CDRT4: variants seen among roughly 807,000 people sequenced by gnomAD.
CDRT4 encodes the protein CMT1A duplicated region transcript 4, also known as CMT1A duplicated region transcript 4 protein.
For synonymous variants in CDRT4, 64 were observed against 69.6 expected, an observed-to-expected ratio of 0.92 and a Z score of 0.40; for missense variants, 167 against 193.1, an observed-to-expected ratio of 0.87 and a Z score of 0.80.
At chr17:15,449,580 T>A (rs1979174867) in intron 2 of CDRT4, among the ~76,000 whole-genome samples, 1 of 152,190 alleles carries the variant, frequency 6.6e-6, no homozygotes, top group Non-Finnish European at 1.5e-5. Flanking sequence ...TATTTTAGAT[T>A]CAAGGGTCCG....
intron 1 of CDRT4, among the ~76,000 whole-genome samples, chr17:15,455,065 A>C (rs1477546185): frequency 6.6e-6 from 1 of 152,196 alleles, no homozygotes; most frequent in African/African-American, 2.4e-5. Context: ...CGTGAGGACT[A>C]GATGAACTCT....
chr17:15,466,654 C>T (rs1980056213), intron 1 of CDRT4, among the ~76,000 whole-genome samples: 1 of 152,286 alleles, frequency 6.6e-6, no homozygotes, highest in Admixed American at 6.5e-5. Flanking sequence ...CAGACACACA[C>T]CTGGACTCAA....
intron 2 of CDRT4, among the ~76,000 whole-genome samples, chr17:15,443,236 A>G (rs1286976128): frequency 1.3e-5 from 2 of 151,954 alleles, no homozygotes; most frequent in Non-Finnish European, 2.9e-5. Flanking sequence ...GAAGAGGATG[A>G]ACTCCTGTCC....
rs891889083 is a variant in CDRT4, at chr17:15,448,302, C to T, written c.-48+4702G>A. ...ATCCTCCAAATATCCCAGCCCATAG[C>T]ATGACCATGCAGAAAACACTTTCCT... is the stretch of plus-strand genomic sequence containing the variant. On this transcript the variant is annotated intron_variant, in intron 2 of 3. Transcript: ENST00000619038. 9.8e-5 allele frequency among the ~76,000 whole-genome samples: 15 copies of T among 152,328 alleles called. No homozygotes were observed. In the South Asian group the frequency reaches 1.0e-3, roughly 11 times the overall value.
intron 2 of CDRT4, among the ~76,000 whole-genome samples, chr17:15,442,522 G>A (rs989891749): frequency 6.6e-6 from 1 of 152,204 alleles, no homozygotes; most frequent in Non-Finnish European, 1.5e-5. Flanking sequence ...GGGATTGGGA[G>A]TCATTCCTTT....
In CDRT4 at chr17:15,436,948, T is replaced by G. The variant is rs1011984937; in HGVS notation, c.*825A>C. On this transcript the variant is annotated 3_prime_UTR_variant, in exon 4 of 4. Coordinates refer to ENST00000619038, the MANE Select transcript of CDRT4 (RefSeq NM_001204477.2). ...GAATCTGCTAGGCTAAAGGAGGAAG[T>G]AGGAAGTGGCCCCTTGCTCACTTCC... is the stretch of plus-strand genomic sequence containing the variant. 2.6e-5 allele frequency: 4 copies of G among 152,338 alleles called. No homozygotes were observed. The highest frequency in any genetic ancestry group is 2.6e-4 in the Admixed American group (4 of 15,302). 9.4% of individuals were successfully genotyped at this position (152,338 alleles called of 1,614,324 possible). A position where few individuals can be genotyped will look rare whatever the true frequency, so the allele number is the denominator to read the frequency against.
At position 15,465,891 on chromosome 17, in the gene CDRT4, G is replaced by A. The variant is rs956713381; in HGVS notation, c.-130+1569C>T. Among the ~76,000 whole-genome samples the A allele has an allele frequency of 3.5e-4, 53 of 152,140 alleles. 1 individual carries two copies. Among genetic ancestry groups the A allele is most frequent in the Non-Finnish European group, 5.9e-5 (4 of 68,020 alleles). On this transcript the variant is annotated intron_variant, in intron 1 of 3. Coordinates refer to ENST00000619038, the MANE Select transcript of CDRT4 (RefSeq NM_001204477.2). ...ACCCCTGAGGGTGGTAGCAGCAGGA[G>A]GGCAACAGAGGATCCTAGAGTTGCT...
At chr17:15,438,404 G>A (rs1387408714) in intron 3 of CDRT4, among the ~76,000 whole-genome samples, 1 of 145,902 alleles carries the variant, frequency 6.9e-6, no homozygotes, top group Non-Finnish European at 1.5e-5. Context: ...CGAAAGAATG[G>A]TAAGGAGCAA....
chr17:15,453,681 G>C (rs1023228512), intron 1 of CDRT4, among the ~76,000 whole-genome samples: 2 of 152,146 alleles, frequency 1.3e-5, no homozygotes, highest in African/African-American at 4.8e-5. Flanking sequence ...ATTGATAGGA[G>C]AATTCACCAA....
chr17:15,447,850 C>T (rs1213443043), intron 2 of CDRT4, among the ~76,000 whole-genome samples: 1 of 152,096 alleles, frequency 6.6e-6, no homozygotes, highest in Non-Finnish European at 1.5e-5. Context: ...TTGGGGTAGG[C>T]TTGTACACTG....
chr17:15,465,124 AAC>A lies in CDRT4; in HGVS notation c.-130+2334_-130+2335del, dbSNP rs767880303. ...ACACACACCAACACACAGACACACCAACACACAGATACAAACACAGACACACC... is the reference window on the plus strand; with the variant it reads ...ACACACACCAACACACAGACACACCAACACAGATACAAACACAGACACACC... On this transcript the variant is annotated intron_variant, in intron 1 of 3. Transcript: ENST00000619038. Among the ~76,000 whole-genome samples, 73 of 110,800 alleles carry A rather than the reference AAC, an allele frequency of 6.6e-4. 5 individuals are homozygous for A. The highest frequency in any genetic ancestry group is 8.1e-4 in the African/African-American group (17 of 20,872). 72.7% of individuals were successfully genotyped at this position (110,800 alleles called of 152,430 possible).
At chr17:15,459,026 C>T (rs1427270414) in intron 1 of CDRT4, among the ~76,000 whole-genome samples, 6 of 152,232 alleles carry the variant, frequency 3.9e-5, no homozygotes, top group Middle Eastern at 3.4e-3. Context: ...AGAAAATCTG[C>T]AATTTTCATG....
intron 2 of CDRT4, 63 bp from the exon 3 acceptor site, chr17:15,440,348 C>T: frequency 6.4e-7 from 1 of 1,574,664 alleles, no homozygotes; most frequent in South Asian, 1.1e-5. Context: ...AGTAGCCACC[C>T]TGGGTGGGGG....
intron 1 of CDRT4, among the ~76,000 whole-genome samples, chr17:15,462,443 A>AAAC (rs1555539251): frequency 2.7e-5 from 4 of 150,468 alleles, no homozygotes; most frequent in African/African-American, 9.9e-5. Context: ...AAAAAAAAAA[A>AAAC]AAAAAAAAGA....
intron 1 of CDRT4, among the ~76,000 whole-genome samples, chr17:15,459,675 T>C (rs1487956043): frequency 6.6e-6 from 1 of 152,070 alleles, no homozygotes; most frequent in Non-Finnish European, 1.5e-5. Flanking sequence ...CTCGATCTCC[T>C]GACCTCGTGA....
chr17:15,465,382 A>AAC (rs374517566), intron 1 of CDRT4, among the ~76,000 whole-genome samples: 1 of 147,120 alleles, frequency 6.8e-6, no homozygotes, highest in African/African-American at 2.5e-5. Context: ...AGACACACAT[A>AAC]ACACACACAC....
At chr17:15,442,451 CT>C (rs1208911176) in intron 2 of CDRT4, among the ~76,000 whole-genome samples, 1 of 151,746 alleles carries the variant, frequency 6.6e-6, no homozygotes, top group African/African-American at 2.4e-5. Flanking sequence ...TTTTCTTCAT[CT>C]TCTCATCTGT....
In CDRT4 at chr17:15,436,845, GA is replaced by G. The variant is rs914979879; in HGVS notation, c.*927del. The G allele has an allele frequency of 6.6e-5, 10 of 152,236 alleles. No homozygotes were observed. The highest frequency in any genetic ancestry group is 2.4e-4 in the African/African-American group (10 of 41,448). The allele number at this position is 152,236 out of a possible 1,614,324, so 9.4% of individuals were successfully genotyped here. Reference sequence around the variant, plus strand: ...CTTCAAAATCCATCCTATGCTTGGAGATGCTGGGGCTGGGATTCTACAAACC... The same window carrying G: ...CTTCAAAATCCATCCTATGCTTGGAGTGCTGGGGCTGGGATTCTACAAACC... On this transcript the variant is annotated 3_prime_UTR_variant, in exon 4 of 4. Coordinates refer to ENST00000619038, the MANE Select transcript of CDRT4 (RefSeq NM_001204477.2).
intron 2 of CDRT4, among the ~76,000 whole-genome samples, chr17:15,441,819 T>C (rs1475982357): frequency 6.6e-6 from 1 of 152,226 alleles, no homozygotes; most frequent in Non-Finnish European, 1.5e-5. Flanking sequence ...AGTGCCAATC[T>C]TCCACAGCAG....
Sources: gnomAD v4.1 joint callset for allele counts (sites outside exome capture counted in the v4.1 genomes callset) on GRCh38, gnomAD v4.1.1 for gene constraint, MANE v1.5 for transcripts, NCBI Gene and HGNC (gene_info 2026-07-23, HGNC 2026-07-21) for gene names.